CADM1: variants seen among roughly 807,000 people sequenced by gnomAD.
CADM1 encodes TSLC-1.
In CADM1, 15 loss-of-function variants were observed where a neutral mutation model predicts 53.1. The observed-to-expected ratio is 0.28, with a 90% confidence interval of 0.19 to 0.44. CADM1 has a LOEUF of 0.44. CADM1 is among the 20% of genes least tolerant of loss of function. The pLI, the probability that CADM1 is intolerant of heterozygous loss-of-function variation, is 1.00. For synonymous variants in CADM1, 281 were observed against 243.0 expected, an observed-to-expected ratio of 1.16 and a Z score of -1.45; for missense variants, 434 against 611.3, an observed-to-expected ratio of 0.71 and a Z score of 3.06.
chr11:115,340,276 A>G (rs1043512073), intron 1 of CADM1: 10 of 152,022 alleles, frequency 6.6e-5, no homozygotes, highest in African/African-American at 2.4e-4. Flanking sequence ...TTATGGCTGT[A>G]TTTTTGCTTT....
At chr11:115,307,517 AAT>A (rs1555060903) in intron 1 of CADM1, among the ~76,000 whole-genome samples, 4,636 of 144,224 alleles carry the variant, frequency 0.032, 244 homozygotes, top group African/African-American at 0.11. Flanking sequence ...GGAAAAAAAA[AAT>A]ATATATATAT....
intron 3 of CADM1, among the ~76,000 whole-genome samples, chr11:115,232,034 C>CAA (rs1410617319): frequency 2.6e-5 from 4 of 151,702 alleles, no homozygotes; most frequent in Non-Finnish European, 5.9e-5. Flanking sequence ...ACAACAACAA[C>CAA]CAATGTCTCA....
intron 1 of CADM1, among the ~76,000 whole-genome samples, chr11:115,298,942 A>G (rs1428390495): frequency 6.6e-6 from 1 of 152,172 alleles, no homozygotes; most frequent in Non-Finnish European, 1.5e-5. Flanking sequence ...TTACCTGAAC[A>G]CTGCCAGGTC....
At chr11:115,501,313 C>A (rs1321678038) in intron 1 of CADM1, among the ~76,000 whole-genome samples, 1 of 152,186 alleles carries the variant, frequency 6.6e-6, no homozygotes, top group African/African-American at 2.4e-5. Flanking sequence ...AATAACAGGG[C>A]GGCACTTTTG....
At chr11:115,484,393 T>C (rs1399225071) in intron 1 of CADM1, among the ~76,000 whole-genome samples, 2 of 152,176 alleles carry the variant, frequency 1.3e-5, no homozygotes, top group Admixed American at 1.3e-4. Context: ...GTGGTACTTG[T>C]TAAAAGCTGC....
chr11:115,400,659 G>GTGTA (rs1406188818), intron 1 of CADM1, among the ~76,000 whole-genome samples: 2 of 38,674 alleles, frequency 5.2e-5, no homozygotes, highest in South Asian at 9.0e-4. Flanking sequence ...GTGTGTGTGT[G>GTGTA]TGTATATATA....
At chr11:115,354,836 G>A (rs972474362) in intron 1 of CADM1, among the ~76,000 whole-genome samples, 10 of 151,876 alleles carry the variant, frequency 6.6e-5, no homozygotes, top group African/African-American at 2.4e-4. Flanking sequence ...CATTAAAAAA[G>A]GACTCTCAAC....
chr11:115,482,869 T>C (rs1949289004), intron 1 of CADM1, among the ~76,000 whole-genome samples: 1 of 152,318 alleles, frequency 6.6e-6, no homozygotes, highest in East Asian at 1.9e-4. Flanking sequence ...TCAAAGAAAA[T>C]ACTCATTCCT....
At chr11:115,308,445 ATC>A (rs1381147158) in intron 1 of CADM1, among the ~76,000 whole-genome samples, 2 of 151,910 alleles carry the variant, frequency 1.3e-5, no homozygotes, top group Non-Finnish European at 2.9e-5. Context: ...TTAATTCTTT[ATC>A]TGTCTTTTTA....
At chr11:115,299,792 C>A (rs1420849943) in intron 1 of CADM1, among the ~76,000 whole-genome samples, 4 of 152,088 alleles carry the variant, frequency 2.6e-5, no homozygotes, top group Non-Finnish European at 5.9e-5. Flanking sequence ...AGAGCACTGA[C>A]ACTTTAGCCG....
chr11:115,322,238 A>G (rs1944842192), intron 1 of CADM1, among the ~76,000 whole-genome samples: 1 of 152,158 alleles, frequency 6.6e-6, no homozygotes, highest in Non-Finnish European at 1.5e-5. Flanking sequence ...TTGTTCAATC[A>G]TCCACTCATT....
chr11:115,200,783 C>T (rs928367562), intron 8 of CADM1, among the ~76,000 whole-genome samples: 1 of 152,116 alleles, frequency 6.6e-6, no homozygotes, highest in African/African-American at 2.4e-5. Context: ...CGTGAGGCAC[C>T]GTGCCCGGCA....
chr11:115,423,030 G>GT (rs34396473), intron 1 of CADM1, among the ~76,000 whole-genome samples: 45,616 of 141,922 alleles, frequency 0.32, 7,958 homozygotes, highest in Non-Finnish European at 0.44. Flanking sequence ...GCTACGGTCT[G>GT]TTTTTTTTTT....
rs552205953 is a variant in CADM1, at chr11:115,359,558, A to T, written c.125-119138T>A. Reference sequence around the variant, plus strand: ...AATGGGTCCCACCGTGATTACAGTGACTCCTACATTTTTAATTGGTCATTC... The same window carrying T: ...AATGGGTCCCACCGTGATTACAGTGTCTCCTACATTTTTAATTGGTCATTC... On this transcript the variant is annotated intron_variant, in intron 1 of 11. Transcript: ENST00000331581. Among the ~76,000 whole-genome samples the T allele has an allele frequency of 9.2e-5, 14 of 152,124 alleles. 1 individual carries two copies. The South Asian group carries it at 2.9e-3, about 32-fold the overall frequency.
chr11:115,276,375 T>A (rs955875591), intron 1 of CADM1, among the ~76,000 whole-genome samples: 1 of 152,174 alleles, frequency 6.6e-6, no homozygotes, highest in African/African-American at 2.4e-5. Context: ...GGGCATTTGT[T>A]AAAGAGACAG....
intron 1 of CADM1, among the ~76,000 whole-genome samples, chr11:115,469,250 AAAT>A (rs1483118187): frequency 2.6e-5 from 4 of 152,236 alleles, no homozygotes; most frequent in African/African-American, 9.6e-5. Context: ...CCTCTATAAA[AAAT>A]AATAATAGCT....
intron 1 of CADM1, among the ~76,000 whole-genome samples, chr11:115,484,057 A>G (rs1182055596): frequency 1.3e-5 from 2 of 152,218 alleles, no homozygotes; most frequent in Non-Finnish European, 2.9e-5. Context: ...AACATGCAAA[A>G]TGTCCACAAG....
At chr11:115,493,251 T>C (rs1189434953) in intron 1 of CADM1, among the ~76,000 whole-genome samples, 3 of 141,358 alleles carry the variant, frequency 2.1e-5, no homozygotes, top group Non-Finnish European at 4.6e-5. Context: ...TAATGAAACA[T>C]ACCATACTGA....
chr11:115,205,933 G>A (rs181376555), intron 8 of CADM1, among the ~76,000 whole-genome samples: 29 of 152,262 alleles, frequency 1.9e-4, no homozygotes, highest in Non-Finnish European at 3.4e-4. Flanking sequence ...CTTGACTTTC[G>A]ATGGGGCTAT....
Sources: allele counts gnomAD v4.1 joint callset (sites outside exome capture counted in the v4.1 genomes callset), GRCh38; gene constraint gnomAD v4.1.1; transcripts MANE v1.5; gene names NCBI Gene and HGNC (gene_info 2026-07-23, HGNC 2026-07-21).